Variants in PAPLN observed in about 807,000 individuals in gnomAD.
PAPLN encodes papilin.
Under a neutral mutation model 159.0 loss-of-function variants are expected in PAPLN, and 146 were observed. That is an observed-to-expected ratio of 0.92 (90% CI 0.80 to 1.05). PAPLN has a LOEUF of 1.05. PAPLN is among the 50% of genes least tolerant of loss of function. The pLI is 0.00. For synonymous variants in PAPLN, 734 were observed against 702.9 expected, an observed-to-expected ratio of 1.04 and a Z score of -0.70; for missense variants, 1,720 against 1,743.9, an observed-to-expected ratio of 0.99 and a Z score of 0.24.
chr14:73,259,465 C>T lies in PAPLN; in HGVS notation c.1905C>T (p.His635=), dbSNP rs1202311017. 9 of 1,610,992 alleles carry T rather than the reference C, an allele frequency of 5.6e-6. No homozygotes were observed. The highest frequency in any genetic ancestry group is 6.8e-6 in the Non-Finnish European group (8 of 1,179,056). ...CCCACGACTGCAGACACAGTCCTCA[C>T]GGGTGCTGCCCCGATGGCCACACGG... ...SGPHDCRHSP[H]GCCPDGHTAS... The change falls in exon 16 of 27, where the codon CAC becomes CAT. Residue 635 remains histidine (H), a synonymous_variant. Transcript: ENST00000644200.
At chr14:73,264,756 C>T in intron 22 of PAPLN, 30 bp downstream of exon 22, 2 of 1,610,556 alleles carry the variant, frequency 1.2e-6, no homozygotes, top group Non-Finnish European at 1.7e-6. Flanking sequence ...ATCTTGCCCT[C>T]CCCCACGCCA....
At chr14:73,255,747 T>C (rs575643251) in intron 14 of PAPLN, among the ~76,000 whole-genome samples, 2 of 152,290 alleles carry the variant, frequency 1.3e-5, no homozygotes, top group South Asian at 4.1e-4. Context: ...CTCTATGAGC[T>C]GTAGGGACCT....
intron 23 of PAPLN, 73 bp from the exon 24 acceptor site, chr14:73,266,428 T>C: frequency 6.4e-7 from 1 of 1,560,282 alleles, no homozygotes; most frequent in East Asian, 2.3e-5. Context: ...CCTGACCCCA[T>C]GCTCGAGGGA....
intron 25 of PAPLN, 24 bp downstream of exon 25, chr14:73,266,855 C>A: frequency 6.3e-7 from 1 of 1,586,538 alleles, no homozygotes; most frequent in South Asian, 1.1e-5. Context: ...TCCAAGTTGT[C>A]CCTGTCCCCA....
chr14:73,252,082 G>A lies in PAPLN; in HGVS notation c.908G>A (p.Ser303Asn), dbSNP rs780552722. The A allele has an allele frequency of 6.2e-7, 1 of 1,611,606 alleles. No individual in the cohort carries two copies. Among genetic ancestry groups the A allele is most frequent in the South Asian group, 1.1e-5 (1 of 90,642 alleles). ...TACCACCTGCCCCTGCGCCGCCCCA[G>A]CCCCGGCTTCAGCTGGAGCCACGGC... ...YEYHLPLRRP[S>N]PGFSWSHGSW... Residue 303 changes from serine (S) to asparagine (N), a missense_variant, in exon 10 of 27, where the codon AGC (serine) becomes AAC (asparagine). Physicochemically the swap from Ser to Asn is conservative, Grantham distance 46. Coordinates refer to ENST00000644200, the MANE Select transcript of PAPLN (RefSeq NM_001365906.3).
rs779112838 is a variant in PAPLN, at chr14:73,266,559, G to A, written c.3322G>A (p.Gly1108Ser). 1.9e-5 allele frequency: 30 copies of A among 1,614,066 alleles called. No homozygotes were observed. The highest frequency in any genetic ancestry group is 1.6e-4 in the Middle Eastern group (1 of 6,082). ...TAGCCGAGTGGCTGTAGAAGATGGCGGCTTCTACACCTGTGTCGCTTTCAA... is the reference window on the plus strand; with the variant it reads ...TAGCCGAGTGGCTGTAGAAGATGGCAGCTTCTACACCTGTGTCGCTTTCAA... ...VISRVAVEDG[G>S]FYTCVAFNGQ... The change falls in exon 24 of 27, where the codon GGC becomes AGC. Residue 1108 changes from glycine (G) to serine (S), a missense_variant. Physicochemically the swap from Gly to Ser is moderately conservative, Grantham distance 56. Transcript: ENST00000644200.
intron 2 of PAPLN, chr14:73,243,776 A>G (rs1005870980): frequency 9.2e-5 from 14 of 152,200 alleles, no homozygotes; most frequent in Non-Finnish European, 2.1e-4. Context: ...CAGTTCTTCA[A>G]TAAGACAGAC....
chr14:73,261,161 C>CA lies in PAPLN; in HGVS notation c.2114dup (p.Asn705LysfsTer11). 1 of 1,614,148 alleles carries CA rather than the reference C, an allele frequency of 6.2e-7. No individual in the cohort carries two copies. Among genetic ancestry groups the CA allele is most frequent in the Admixed American group, 1.7e-5 (1 of 60,020 alleles). On this transcript the variant is annotated frameshift_variant, in exon 18 of 27. Coordinates refer to ENST00000644200, the MANE Select transcript of PAPLN (RefSeq NM_001365906.3). LOFTEE classifies it high-confidence loss of function. ...ATCATGGGTTTCCTCCCCAGGTCCA[C>CA]AACACCCACCAGCCCCAGGCCCAGC...
intron 25 of PAPLN, among the ~76,000 whole-genome samples, chr14:73,268,093 T>A (rs1887395476): frequency 6.6e-6 from 1 of 151,750 alleles, no homozygotes; most frequent in Non-Finnish European, 1.5e-5. Context: ...TGCCGTATGC[T>A]CCTTCTTGAA....
intron 16 of PAPLN, among the ~76,000 whole-genome samples, chr14:73,260,456 T>C (rs1053300240): frequency 2.6e-5 from 4 of 152,214 alleles, no homozygotes; most frequent in Non-Finnish European, 5.9e-5. Flanking sequence ...ACTGAGGCTC[T>C]GCCAGTTATG....
At chr14:73,242,326 T>A (rs900341810) in intron 2 of PAPLN, among the ~76,000 whole-genome samples, 1 of 152,210 alleles carries the variant, frequency 6.6e-6, no homozygotes, top group Non-Finnish European at 1.5e-5. Context: ...TGTGGCTCCA[T>A]GGCAGGGGTA....
chr14:73,244,454 G>A, intron 2 of PAPLN, 190 bp from the exon 3 acceptor site: 1 of 556,076 alleles, frequency 1.8e-6, no homozygotes. Flanking sequence ...GAGGAAAGCA[G>A]GCTAATTCTG....
In PAPLN at chr14:73,251,035, G is replaced by A; in HGVS notation, c.589+5G>A. ...ACGCTAATGACCTCAGCCGAGGTGG[G>A]GGTGGTTCCGACAAGGGGCAGTTGC... On this transcript the variant is annotated splice_donor_5th_base_variant and intron_variant, in intron 7 of 26. Transcript: ENST00000644200. 1.2e-6 allele frequency: 2 copies of A among 1,608,306 alleles called. No homozygotes were observed. The highest frequency in any genetic ancestry group is 8.5e-7 in the Non-Finnish European group (1 of 1,177,362).
At chr14:73,254,814 ATGT>A in intron 13 of PAPLN, 60 bp from the exon 14 acceptor site, 7 of 1,599,684 alleles carry the variant, frequency 4.4e-6, no homozygotes, top group Non-Finnish European at 4.3e-6. Flanking sequence ...GCCTCTCTCC[ATGT>A]GGGTCCCCGC....
In PAPLN at chr14:73,266,797, G is replaced by A. The variant is rs1887255403; in HGVS notation, c.3466G>A (p.Val1156Ile). The change falls in exon 25 of 27, where the codon GTA (valine) becomes ATA (isoleucine). Residue 1156 changes from valine (V) to isoleucine (I), a missense_variant. Transcript: ENST00000644200. The stretch of plus-strand genomic sequence containing the variant: ...TGATACGGCCAGGCTATTGTGTGTG[G>A]TAGCAGGAGAAAGTGTGAACATCAG... Reference protein sequence around the residue: ...EGDTARLLCVVAGESVNIRWS... With the variant: ...EGDTARLLCVIAGESVNIRWS... 4 of 1,613,542 alleles carry A rather than the reference G, an allele frequency of 2.5e-6. No individual in the cohort carries two copies. The highest frequency in any genetic ancestry group is 1.1e-5 in the South Asian group (1 of 90,982).
rs899175668 is a variant in PAPLN, at chr14:73,245,398, G to T, written c.171-238G>T. 8 of 552,862 alleles carry T rather than the reference G, an allele frequency of 1.4e-5. No individual in the cohort carries two copies. The highest frequency in any genetic ancestry group is 2.6e-5 in the Non-Finnish European group (8 of 308,096). 34.2% of individuals were successfully genotyped at this position (552,862 alleles called of 1,614,324 possible). ...AATCTGCCTAAGATGCAGTGGAGTG[G>T]TCCCGCCTTAAATCCAAACTATAGG... On this transcript the variant is annotated intron_variant, in intron 3 of 26. Transcript: ENST00000644200. This position sits in a 1 kb window ranked among gnomAD's most constrained non-coding sequence, Gnocchi z 4.2.
At chr14:73,252,833 G>A in intron 11 of PAPLN, 58 bp downstream of exon 11, 2 of 1,603,468 alleles carry the variant, frequency 1.2e-6, no homozygotes, top group Non-Finnish European at 1.7e-6. Flanking sequence ...GGTGGGAAGG[G>A]AACAAGGCCT....
Position 73,255,004 on chromosome 14 carries a change from G to A in PAPLN, c.1613G>A (p.Cys538Tyr), listed in dbSNP as rs764516684. 8 of 1,613,290 alleles carry A rather than the reference G, an allele frequency of 5.0e-6. No individual in the cohort carries two copies. Among genetic ancestry groups the A allele is most frequent in the Non-Finnish European group, 5.9e-6 (7 of 1,179,778 alleles). ...GTGGAGCCTTGTAACACGCAGCCCT[G>A]TCATCTCCCCCAGGGTAAGGACAGG... ...VDVEPCNTQP[C>Y]HLPQEVPSMQ... Residue 538 changes from cysteine (C) to tyrosine (Y), a missense_variant, in exon 14 of 27, where the codon TGT becomes TAT. Transcript: ENST00000644200.
chr14:73,239,688 G>A (rs1883320494), intron 1 of PAPLN, 85 bp from the exon 2 acceptor site: 8 of 1,523,930 alleles, frequency 5.2e-6, no homozygotes, highest in Middle Eastern at 2.1e-4. Context: ...TGGGCCATAG[G>A]GAGAGACGCG....
Sources: gnomAD v4.1 joint callset for allele counts (sites outside exome capture counted in the v4.1 genomes callset) on GRCh38, gnomAD v4.1.1 for gene constraint, Gnocchi (gnomAD v3.1) non-coding constraint, MANE v1.5 for transcripts, NCBI Gene and HGNC (gene_info 2026-07-23, HGNC 2026-07-21) for gene names.